Variants in TP63 observed in about 807,000 individuals in gnomAD.
TP63 encodes tumor protein p63.
TP63 carries 17 observed loss-of-function variants against 82.8 expected under a neutral mutation model. That is an observed-to-expected ratio of 0.21 (90% CI 0.14 to 0.31). The LOEUF (loss-of-function observed/expected upper bound fraction) is 0.31. TP63 is among the 10% of genes least tolerant of loss of function. The pLI, the probability that TP63 is intolerant of heterozygous loss-of-function variation, is 1.00. For synonymous variants in TP63, 330 were observed against 321.7 expected (o/e 1.03, Z -0.28); for missense variants, 648 against 895.3 (o/e 0.72, Z 3.52).
intron 3 of TP63, among the ~76,000 whole-genome samples, chr3:189,775,074 G>C (rs1723676608): frequency 6.6e-6 from 1 of 151,958 alleles, no homozygotes; most frequent in Non-Finnish European, 1.5e-5. Flanking sequence ...CAAAAAATTA[G>C]CCAGGCGTGA....
At chr3:189,805,968 C>A (rs1726841871) in intron 3 of TP63, among the ~76,000 whole-genome samples, 1 of 151,650 alleles carries the variant, frequency 6.6e-6, no homozygotes, top group African/African-American at 2.4e-5. Flanking sequence ...GGGAGAGGGG[C>A]CTTCACCAAA....
chr3:189,665,576 G>A (rs1714310699), intron 1 of TP63, among the ~76,000 whole-genome samples: 1 of 152,076 alleles, frequency 6.6e-6, no homozygotes, highest in African/African-American at 2.4e-5. Flanking sequence ...AACATGCAGA[G>A]GATGGCTGAG....
At chr3:189,707,410 T>A (rs1429626302) in intron 1 of TP63, among the ~76,000 whole-genome samples, 3 of 152,172 alleles carry the variant, frequency 2.0e-5, no homozygotes, top group African/African-American at 7.2e-5. Context: ...AACTTTTATG[T>A]TGAATTGTAG....
At chr3:189,791,990 A>G (rs1725188134) in intron 3 of TP63, among the ~76,000 whole-genome samples, 1 of 151,984 alleles carries the variant, frequency 6.6e-6, no homozygotes, top group Non-Finnish European at 1.5e-5. Flanking sequence ...AAGGCATAAA[A>G]CTCCCTGTAA....
chr3:189,694,790 C>CTTTTTTTTTTTTTTTTTTTTTTTTTTT lies in TP63; in HGVS notation c.63-42943_63-42917dup, dbSNP rs71175304. On this transcript the variant is annotated intron_variant, in intron 1 of 13. Coordinates refer to ENST00000264731, the MANE Select transcript of TP63 (RefSeq NM_003722.5). ...TTGAAAGGAGGCCAGTATTTACAGC[C>CTTTTTTTTTTTTTTTTTTTTTTTTTTT]TTTTTTTTTTTTTTTTTTTTTTTTT... Among the ~76,000 whole-genome samples the CTTTTTTTTTTTTTTTTTTTTTTTTTTT allele has an allele frequency of 4.3e-4, 14 of 32,730 alleles. 5 individuals are homozygous for CTTTTTTTTTTTTTTTTTTTTTTTTTTT. The highest frequency in any genetic ancestry group is 4.2e-3 in the South Asian group (2 of 478). 21.5% of individuals were successfully genotyped at this position (32,730 alleles called of 152,430 possible). A position where few individuals can be genotyped will look rare whatever the true frequency, so the allele number is the denominator to read the frequency against.
intron 1 of TP63, among the ~76,000 whole-genome samples, chr3:189,645,003 T>C (rs1189140334): frequency 1.3e-5 from 2 of 152,020 alleles, no homozygotes; most frequent in Non-Finnish European, 2.9e-5. Flanking sequence ...ACAGAGGCAC[T>C]GTAAGGGACT....
intron 1 of TP63, among the ~76,000 whole-genome samples, chr3:189,691,628 T>G (rs1716939656): frequency 6.6e-6 from 1 of 152,190 alleles, no homozygotes; most frequent in Admixed American, 6.5e-5. Flanking sequence ...TAAGAAACGC[T>G]GCTTTAAATA....
At chr3:189,675,698 G>C (rs910269884) in intron 1 of TP63, among the ~76,000 whole-genome samples, 1 of 152,008 alleles carries the variant, frequency 6.6e-6, no homozygotes, top group Non-Finnish European at 1.5e-5. Context: ...GCACGGTTAT[G>C]TCTCCTGCTC....
chr3:189,783,295 T>C (rs930574768), intron 3 of TP63, among the ~76,000 whole-genome samples: 6 of 152,008 alleles, frequency 3.9e-5, no homozygotes, highest in African/African-American at 1.2e-4. Context: ...TAACAAAATA[T>C]ATCTTTGGTA....
chr3:189,682,551 AAAATATATATATATATATATATATATAT>A (rs1716049915), intron 1 of TP63, among the ~76,000 whole-genome samples: 2 of 30,882 alleles, frequency 6.5e-5, no homozygotes, highest in African/African-American at 1.9e-4. Context: ...AAAAAAAAAA[AAAATATATATATATATATATATATATAT>A]ATATATATAT....
chr3:189,890,945 G>C, intron 13 of TP63, 63 bp downstream of exon 13: 1 of 1,508,772 alleles, frequency 6.6e-7, no homozygotes, highest in East Asian at 2.3e-5. Flanking sequence ...GATGACAACC[G>C]CCTTGTAGTT....
At chr3:189,855,277 C>A (rs1311955376) in intron 4 of TP63, among the ~76,000 whole-genome samples, 5 of 152,102 alleles carry the variant, frequency 3.3e-5, no homozygotes, top group African/African-American at 1.2e-4. Context: ...TTAAAAATCA[C>A]ATTTAGAGAC....
chr3:189,720,855 C>G (rs1292698251), intron 1 of TP63, among the ~76,000 whole-genome samples: 3 of 152,092 alleles, frequency 2.0e-5, no homozygotes, highest in Admixed American at 2.0e-4. Flanking sequence ...TCAGCCATCT[C>G]ACACTAAGAG....
chr3:189,786,318 G>A (rs1724596907), intron 3 of TP63, among the ~76,000 whole-genome samples: 1 of 151,780 alleles, frequency 6.6e-6, no homozygotes, highest in South Asian at 2.1e-4. Context: ...GGCCTTTCAC[G>A]CTGTGTCTGA....
chr3:189,760,603 T>C (rs572844976), intron 3 of TP63, among the ~76,000 whole-genome samples: 73 of 152,314 alleles, frequency 4.8e-4, no homozygotes, highest in African/African-American at 1.6e-3. Flanking sequence ...CTTCATGGGC[T>C]GGTGTTGAGT....
intron 1 of TP63, among the ~76,000 whole-genome samples, chr3:189,657,443 A>G (rs1713482489): frequency 6.6e-6 from 1 of 152,146 alleles, no homozygotes; most frequent in East Asian, 1.9e-4. Flanking sequence ...GAAGGAGATG[A>G]AAAAGGTGCT....
Position 189,677,668 on chromosome 3 carries a change from T to A in TP63, c.62+46091T>A, listed in dbSNP as rs1715561249. Among the ~76,000 whole-genome samples the A allele has an allele frequency of 5.9e-5, 9 of 151,936 alleles. No individual in the cohort carries two copies. In the South Asian group the frequency reaches 1.9e-3, roughly 31 times the overall value. On this transcript the variant is annotated intron_variant, in intron 1 of 13. Coordinates refer to ENST00000264731, the MANE Select transcript of TP63 (RefSeq NM_003722.5). ...TCTATGTTTTCTTCTTTGAGAAATATCCATATTGTTTGCCATAAAGGTTGC... is the reference window on the plus strand; with the variant it reads ...TCTATGTTTTCTTCTTTGAGAAATAACCATATTGTTTGCCATAAAGGTTGC...
Position 189,772,298 on chromosome 3 carries a change from G to A in TP63, c.324+33524G>A, listed in dbSNP as rs184740100. 1.1e-4 allele frequency among the ~76,000 whole-genome samples: 17 copies of A among 152,286 alleles called. No homozygotes were observed. The East Asian group carries it at 3.1e-3, about 28-fold the overall frequency. ...CTAGCTAATGCTCTTTACCAATAAGGACACTGAAGCTCCTAGAAGTGAAGT... is the reference window on the plus strand; with the variant it reads ...CTAGCTAATGCTCTTTACCAATAAGAACACTGAAGCTCCTAGAAGTGAAGT... On this transcript the variant is annotated intron_variant, in intron 3 of 13. Transcript: ENST00000264731.
At chr3:189,723,215 C>T (rs1719524018) in intron 1 of TP63, among the ~76,000 whole-genome samples, 1 of 152,106 alleles carries the variant, frequency 6.6e-6, no homozygotes, top group Admixed American at 6.6e-5. Flanking sequence ...CTCACCATTA[C>T]AGATATGGAA....
Sources: gnomAD v4.1 joint callset for allele counts (sites outside exome capture counted in the v4.1 genomes callset) on GRCh38, gnomAD v4.1.1 for gene constraint, MANE v1.5 for transcripts, NCBI Gene and HGNC (gene_info 2026-07-23, HGNC 2026-07-21) for gene names.